TXNDC5: variants seen among roughly 807,000 people sequenced by gnomAD.
TXNDC5 encodes thioredoxin domain containing 5.
Under a neutral mutation model 52.6 loss-of-function variants are expected in TXNDC5, and 44 were observed. That is an observed-to-expected ratio of 0.84 (90% CI 0.66 to 1.08). TXNDC5 has a LOEUF of 1.08. Among genes scored for constraint, TXNDC5 ranks in the 50% least tolerant of loss-of-function variants. The pLI is 0.00. For synonymous variants in TXNDC5, 241 were observed against 234.4 expected (o/e 1.03, Z -0.26); for missense variants, 600 against 565.5 (o/e 1.06, Z -0.62).
intron 5 of TXNDC5, among the ~76,000 whole-genome samples, chr6:7,890,849 G>C (rs1760166291): frequency 6.6e-6 from 1 of 152,112 alleles, no homozygotes; most frequent in Non-Finnish European, 1.5e-5. Context: ...CCGAGGCGTG[G>C]AGAGGTTTTT....
chr6:7,886,792 G>A (rs138209962), intron 7 of TXNDC5, among the ~76,000 whole-genome samples: 10 of 152,266 alleles, frequency 6.6e-5, no homozygotes, highest in Non-Finnish European at 1.5e-4. Context: ...GATTTATCAC[G>A]TGGCTAAGTG....
At position 7,887,633 on chromosome 6, in the gene TXNDC5, C is replaced by T. The variant is rs139562977; in HGVS notation, c.963+1072G>A. 2.0e-3 allele frequency among the ~76,000 whole-genome samples: 311 copies of T among 152,300 alleles called. 2 individuals are homozygous for T. The highest frequency in any genetic ancestry group is 7.0e-3 in the African/African-American group (292 of 41,566). ...AGAGCAGCTTCCCACCTCCAGCACA[C>T]GTGCATGCCGGTCATTTTCCTACAA... On this transcript the variant is annotated intron_variant, in intron 7 of 9. Transcript: ENST00000379757.
At chr6:7,893,245 C>G (rs971481857) in intron 4 of TXNDC5, among the ~76,000 whole-genome samples, 3 of 152,236 alleles carry the variant, frequency 2.0e-5, no homozygotes, top group Admixed American at 1.3e-4. Flanking sequence ...GGCGTCTGAG[C>G]AGGACTCTGC....
At chr6:7,894,878 T>C (rs1760312114) in intron 4 of TXNDC5, 1 of 985,418 alleles carries the variant, frequency 1.0e-6, no homozygotes, top group Non-Finnish European at 1.2e-6. Flanking sequence ...GCGGGTCACG[T>C]GTGCTTAGCA....
chr6:7,910,604 T>A lies in TXNDC5; in HGVS notation c.173A>T (p.Gln58Leu). ...GPPAADGEDG[Q>L]DPHSKHLYTA... ...GTACAGGTGCTTGCTGTGCGGGTCC[T>A]GTCCGTCCTCGCCGTCTGCCGCGGG... The change falls in exon 1 of 10, where the codon CAG (glutamine) becomes CTG (leucine). Residue 58 changes from glutamine (Q) to leucine (L), a missense_variant. Coordinates refer to ENST00000379757, the MANE Select transcript of TXNDC5 (RefSeq NM_030810.5). The A allele has an allele frequency of 7.4e-7, 1 of 1,357,100 alleles. No individual in the cohort carries two copies. The highest frequency in any genetic ancestry group is 9.7e-7 in the Non-Finnish European group (1 of 1,035,246). The allele number at this position is 1,357,100 out of a possible 1,614,324, so 84.1% of individuals were successfully genotyped here.
Position 7,884,380 on chromosome 6 carries a change from C to G in TXNDC5, c.1155G>C (p.Arg385=). The G allele has an allele frequency of 6.2e-7, 1 of 1,614,148 alleles. No homozygotes were observed. The highest frequency in any genetic ancestry group is 1.1e-5 in the South Asian group (1 of 91,082). ...KIAEVDCTAE[R]NICSKYSVRG... Reference sequence around the variant, plus strand: ...CCACCGAATACTTGCTGCAGATATTCCGTTCAGCAGTGCAGTCTACTTCGG... The same window carrying G: ...CCACCGAATACTTGCTGCAGATATTGCGTTCAGCAGTGCAGTCTACTTCGG... The change falls in exon 9 of 10, where the codon CGG becomes CGC. Residue 385 remains arginine, a synonymous_variant. Transcript: ENST00000379757.
At chr6:7,904,936 G>C (rs924361763) in intron 1 of TXNDC5, among the ~76,000 whole-genome samples, 1 of 152,184 alleles carries the variant, frequency 6.6e-6, no homozygotes, top group Admixed American at 6.5e-5. Flanking sequence ...TCTTGGCCTT[G>C]TTCCAGTATT....
intron 7 of TXNDC5, 33 bp from the exon 8 acceptor site, chr6:7,886,076 C>A (rs367552689): frequency 1.4e-5 from 22 of 1,597,730 alleles, no homozygotes; most frequent in Admixed American, 8.5e-5. Flanking sequence ...AGTTCAAGTA[C>A]ATCCCTTAAA....
chr6:7,889,536 G>A lies in TXNDC5; in HGVS notation c.778C>T (p.Arg260Cys), dbSNP rs746591819. ...AACCAGAGAAGAGTGGGATAGCCAC[G>A]AACCTGGTTTCCGGAGCAGAGTTCA... ...HYELCSGNQV[R>C]GYPTLLWFRD... The change falls in exon 6 of 10, where the codon CGT (arginine) becomes TGT (cysteine). Residue 260 changes from arginine to cysteine, a missense_variant. Transcript: ENST00000379757. 20 of 1,613,570 alleles carry A rather than the reference G, an allele frequency of 1.2e-5. No individual in the cohort carries two copies. The highest frequency in any genetic ancestry group is 4.4e-5 in the South Asian group (4 of 91,072).
chr6:7,896,099 GA>G (rs1273693718), intron 3 of TXNDC5, among the ~76,000 whole-genome samples: 1 of 152,176 alleles, frequency 6.6e-6, no homozygotes, highest in Non-Finnish European at 1.5e-5. Flanking sequence ...AAATGACAGG[GA>G]AAACTGTGAG....
chr6:7,909,710 G>C (rs1396839177), intron 1 of TXNDC5: 2 of 949,544 alleles, frequency 2.1e-6, no homozygotes, highest in African/African-American at 3.5e-5. Flanking sequence ...AGGGGTTCCA[G>C]AATTCGCACT....
Position 7,910,642 on chromosome 6 carries a change from C to T in TXNDC5, c.135G>A (p.Ala45=), listed in dbSNP as rs765145244. 3.9e-6 allele frequency: 5 copies of T among 1,285,516 alleles called. No individual in the cohort carries two copies. Among genetic ancestry groups the T allele is most frequent in the East Asian group, 4.1e-5 (1 of 24,296 alleles). 79.6% of individuals were successfully genotyped at this position (1,285,516 alleles called of 1,614,324 possible). The change falls in exon 1 of 10, where the codon GCG becomes GCA. Residue 45 remains alanine (A), a synonymous_variant. Coordinates refer to ENST00000379757, the MANE Select transcript of TXNDC5 (RefSeq NM_030810.5). The stretch of plus-strand genomic sequence containing the variant: ...CGTCTGCCGCGGGGGGCCCGTCCGC[C>T]GCCGCCGCCGCCGCCTCCTGGGCCC... ...GARAQEAAAA[A]ADGPPAADGE...
At chr6:7,909,953 C>G (rs895533484) in intron 1 of TXNDC5, 1 of 985,950 alleles carries the variant, frequency 1.0e-6, no homozygotes, top group Admixed American at 6.1e-5. Flanking sequence ...CGCGTCCGGC[C>G]GGCACAGGAA....
chr6:7,905,350 A>C (rs1309182039), intron 1 of TXNDC5, among the ~76,000 whole-genome samples: 1 of 152,172 alleles, frequency 6.6e-6, no homozygotes, highest in Non-Finnish European at 1.5e-5. Context: ...TATATAACCA[A>C]ATGGCTACAA....
At chr6:7,896,686 G>A (rs908604627) in intron 3 of TXNDC5, among the ~76,000 whole-genome samples, 9 of 152,222 alleles carry the variant, frequency 5.9e-5, no homozygotes, top group African/African-American at 1.2e-4. Flanking sequence ...GTCAATGGGT[G>A]CACATAAGGT....
At chr6:7,897,736 C>T (rs1760421757) in intron 3 of TXNDC5, among the ~76,000 whole-genome samples, 1 of 152,194 alleles carries the variant, frequency 6.6e-6, no homozygotes, top group Non-Finnish European at 1.5e-5. Context: ...GTCTTTCTGC[C>T]GTCCTGATAC....
At chr6:7,891,529 C>T (rs766507044) in intron 5 of TXNDC5, 92 bp downstream of exon 5, 63 of 997,520 alleles carry the variant, frequency 6.3e-5, no homozygotes, top group East Asian at 1.8e-4. Context: ...ATCAAGTTTG[C>T]GACTTTGCAC....
intron 2 of TXNDC5, among the ~76,000 whole-genome samples, chr6:7,900,484 T>G (rs1451350643): frequency 6.6e-6 from 1 of 152,222 alleles, no homozygotes; most frequent in Non-Finnish European, 1.5e-5. Flanking sequence ...TTAGCAAGCC[T>G]GCTCATCTAA....
Position 7,884,479 on chromosome 6 carries a change from A to G in TXNDC5, c.1056T>C (p.His352=). 1 of 1,614,098 alleles carries G rather than the reference A, an allele frequency of 6.2e-7. No homozygotes were observed. Among genetic ancestry groups the G allele is most frequent in the South Asian group, 1.1e-5 (1 of 91,084 alleles). The change falls in exon 9 of 10, where the codon CAT becomes CAC. Residue 352 remains histidine (H), a synonymous_variant. Transcript: ENST00000379757. ...FIKFYAPWCG[H]CKTLAPTWEE... ...CCCAAGTAGGAGCCAGAGTCTTACA[A>G]TGACCACACCTAAGACGAGAAAAAT...
Sources: gnomAD v4.1 joint callset for allele counts (sites outside exome capture counted in the v4.1 genomes callset) on GRCh38, gnomAD v4.1.1 for gene constraint, MANE v1.5 for transcripts, NCBI Gene and HGNC (gene_info 2026-07-23, HGNC 2026-07-21) for gene names.